Variants in SV2C observed in about 807,000 individuals in gnomAD.
SV2C encodes the protein solute carrier family 22 member B3.
SV2C carries 49 observed loss-of-function variants against 79.7 expected under a neutral mutation model. The ratio of observed to expected loss-of-function variants is 0.61; its 90% CI spans 0.49 to 0.78. The LOEUF (loss-of-function observed/expected upper bound fraction) is 0.78, where lower values mean the gene tolerates loss of function less well. SV2C is among the 30% of genes least tolerant of loss of function. SV2C has a pLI of 0.00. For synonymous variants in SV2C, 334 were observed against 333.2 expected (o/e 1.00, Z -0.03); for missense variants, 833 against 912.9 (o/e 0.91, Z 1.13).
chr5:75,911,987 A>G, the SV2C span: 1 of 322,882 alleles, frequency 3.1e-6, no homozygotes, highest in South Asian at 2.9e-5. Flanking sequence ...CTCAGTAGGA[A>G]TGCTGGTGCT....
chr5:76,187,812 T>G (rs1310725978), intron 2 of SV2C, among the ~76,000 whole-genome samples: 1 of 152,134 alleles, frequency 6.6e-6, no homozygotes, highest in African/African-American at 2.4e-5. Context: ...CTGTTTCAGG[T>G]ATCTTCTTTT....
In SV2C at chr5:76,348,376, A is replaced by G. The variant is rs139398204; in HGVS notation, c.2001-4754A>G. ...ATCTTGGTTGCCTCCAAAGTTTGGCAATTATAAGGAAAGCTGCTATAAACA... is the reference window on the plus strand; with the variant it reads ...ATCTTGGTTGCCTCCAAAGTTTGGCGATTATAAGGAAAGCTGCTATAAACA... On this transcript the variant is annotated intron_variant, in intron 12 of 12. Transcript: ENST00000322285. 4.5e-4 allele frequency among the ~76,000 whole-genome samples: 69 copies of G among 152,342 alleles called. No homozygotes were observed. In the South Asian group the frequency reaches 7.7e-3, roughly 17 times the overall value.
chr5:76,205,065 T>C (rs1192031491), intron 3 of SV2C, among the ~76,000 whole-genome samples: 1 of 152,216 alleles, frequency 6.6e-6, no homozygotes, highest in Non-Finnish European at 1.5e-5. Context: ...CCTTAGATTA[T>C]TGGGGAAAAT....
chr5:76,256,310 A>G (rs968682669), intron 4 of SV2C, among the ~76,000 whole-genome samples: 7 of 152,178 alleles, frequency 4.6e-5, no homozygotes, highest in African/African-American at 1.7e-4. Flanking sequence ...AATCACTGTC[A>G]CTTCTGTGGC....
intron 2 of SV2C, among the ~76,000 whole-genome samples, chr5:76,133,190 C>T (rs4235693): frequency 0.82 from 124,705 of 152,106 alleles, 51,407 homozygotes; most frequent in Non-Finnish European, 0.85. Flanking sequence ...CAGCAAACAC[C>T]TGGTATATAA....
chr5:76,208,944 T>C (rs916020633), intron 3 of SV2C, among the ~76,000 whole-genome samples: 10 of 152,206 alleles, frequency 6.6e-5, no homozygotes, highest in African/African-American at 2.4e-4. Flanking sequence ...AAATGAGCAC[T>C]ATTTTGATTC....
At chr5:76,175,905 C>T (rs189275980) in intron 2 of SV2C, among the ~76,000 whole-genome samples, 7 of 152,190 alleles carry the variant, frequency 4.6e-5, no homozygotes, top group Admixed American at 1.3e-4. Context: ...TGCACTCTGT[C>T]AGAATCTCCG....
chr5:76,175,703 A>G (rs1174877431), intron 2 of SV2C, among the ~76,000 whole-genome samples: 1 of 152,250 alleles, frequency 6.6e-6, no homozygotes, highest in Non-Finnish European at 1.5e-5. Flanking sequence ...TGTAAGATCT[A>G]GAAAATCACA....
intron 2 of SV2C, among the ~76,000 whole-genome samples, chr5:76,160,114 G>A (rs12522618): frequency 0.66 from 100,146 of 151,892 alleles, 33,930 homozygotes; most frequent in East Asian, 0.97. Flanking sequence ...GACAAGGTTA[G>A]GGTGGAAATC....
chr5:76,320,794 TA>T (rs1269623099), intron 12 of SV2C, among the ~76,000 whole-genome samples: 1 of 152,076 alleles, frequency 6.6e-6, no homozygotes, highest in African/African-American at 2.4e-5. Flanking sequence ...TCTCTTGCTT[TA>T]AAAAAAGAAG....
chr5:76,285,680 A>G lies in SV2C; in HGVS notation c.1048-101A>G, dbSNP rs182193483. 9.1e-4 allele frequency: 857 copies of G among 942,054 alleles called. 1 individual carries two copies. The highest frequency in any genetic ancestry group is 1.2e-3 in the Non-Finnish European group (694 of 601,686). 58.4% of individuals were successfully genotyped at this position (942,054 alleles called of 1,614,324 possible). On this transcript the variant is annotated intron_variant, in intron 5 of 12. Transcript: ENST00000502798. The stretch of plus-strand genomic sequence containing the variant: ...GGATGTACTGAGATACATTTGCACA[A>G]TTACACCTCATTTGATCTGACAATG...
chr5:76,212,164 A>G (rs945080169), intron 4 of SV2C, among the ~76,000 whole-genome samples: 2 of 151,994 alleles, frequency 1.3e-5, no homozygotes, highest in Non-Finnish European at 2.9e-5. Flanking sequence ...GTAGAGCAGC[A>G]TCTAACTCAT....
chr5:76,101,047 AG>A (rs1431464080), intron 1 of SV2C, among the ~76,000 whole-genome samples: 2 of 152,056 alleles, frequency 1.3e-5, no homozygotes, highest in Non-Finnish European at 2.9e-5. Context: ...AAGTGCAGTA[AG>A]TTTTATCAGG....
At chr5:75,945,062 AT>A in the SV2C span, among the ~76,000 whole-genome samples, 3 of 152,144 alleles carry the variant, frequency 2.0e-5, no homozygotes, top group Non-Finnish European at 4.4e-5. Flanking sequence ...GATGCCCCAG[AT>A]GTTGGAATGA....
the SV2C span, among the ~76,000 whole-genome samples, chr5:76,024,996 C>T: frequency 2.0e-5 from 3 of 152,144 alleles, no homozygotes; most frequent in Admixed American, 2.0e-4. Flanking sequence ...GGATCCTCAC[C>T]TAGGCCCCCT....
At chr5:76,308,043 T>C (rs1748266097) in intron 12 of SV2C, among the ~76,000 whole-genome samples, 1 of 152,224 alleles carries the variant, frequency 6.6e-6, no homozygotes, top group African/African-American at 2.4e-5. Context: ...GATTGTCTTT[T>C]TTCATTCTGT....
intron 8 of SV2C, 42 bp downstream of exon 8, chr5:76,291,898 G>A (rs1330520504): frequency 1.4e-6 from 2 of 1,409,668 alleles, no homozygotes; most frequent in East Asian, 2.3e-5. Context: ...ATCGTTCAAT[G>A]TCCACATTGT....
At chr5:76,049,064 G>A in the SV2C span, among the ~76,000 whole-genome samples, 2 of 148,450 alleles carry the variant, frequency 1.3e-5, no homozygotes, top group East Asian at 4.1e-4. Flanking sequence ...GGGGCTGGGC[G>A]CGGTGGCTCA....
chr5:76,147,905 C>T (rs10942755), intron 2 of SV2C, among the ~76,000 whole-genome samples: 1 of 151,838 alleles, frequency 6.6e-6, no homozygotes, highest in South Asian at 2.1e-4. Context: ...TGATGATTCA[C>T]GGTATCTATT....
Sources: gnomAD v4.1 joint callset for allele counts (sites outside exome capture counted in the v4.1 genomes callset) on GRCh38, gnomAD v4.1.1 for gene constraint, MANE v1.5 for transcripts, NCBI Gene and HGNC (gene_info 2026-07-23, HGNC 2026-07-21) for gene names.